Variants in DCAF5 observed in about 807,000 individuals in gnomAD.
DCAF5 encodes the protein DDB1 and CUL4 associated factor 5.
Under a neutral mutation model 80.7 loss-of-function variants are expected in DCAF5, and 9 were observed. That is an observed-to-expected ratio of 0.11 (90% CI 0.07 to 0.19). The LOEUF (loss-of-function observed/expected upper bound fraction) is 0.19. DCAF5 is among the 10% of genes least tolerant of loss of function. DCAF5 has a pLI of 1.00. For missense variants in DCAF5, 842 were observed against 1,205.7 expected (o/e 0.70, Z 4.47); for synonymous variants, 433 against 461.9 (o/e 0.94, Z 0.80).
At chr14:69,110,740 T>C (rs1299493220) in intron 5 of DCAF5, among the ~76,000 whole-genome samples, 2 of 151,832 alleles carry the variant, frequency 1.3e-5, no homozygotes, top group Admixed American at 6.6e-5. Context: ...TAGCCAGGCA[T>C]GATAGCATGA....
chr14:69,130,370 T>C (rs1255050414), intron 1 of DCAF5, among the ~76,000 whole-genome samples: 1 of 152,106 alleles, frequency 6.6e-6, no homozygotes, highest in Non-Finnish European at 1.5e-5. Context: ...TCCACTTACA[T>C]GAGGAATAGT....
chr14:69,052,760 CAA>C lies in DCAF5; in HGVS notation c.*1095_*1096del, dbSNP rs2037803369. 1 of 152,240 alleles carries C rather than the reference CAA, an allele frequency of 6.6e-6. No individual in the cohort carries two copies. The allele number at this position is 152,240 out of a possible 1,614,324, so 9.4% of individuals were successfully genotyped here. On this transcript the variant is annotated 3_prime_UTR_variant, in exon 9 of 9. Coordinates refer to ENST00000341516, the MANE Select transcript of DCAF5 (RefSeq NM_003861.3). ...TTACCTTGAGATGCCTACTGCTCTG[CAA>C]AGTCTAGTGAGAACACCACAGCCTC... is the stretch of plus-strand genomic sequence containing the variant.
chr14:69,075,409 A>G lies in DCAF5; in HGVS notation c.882T>C (p.Tyr294=), dbSNP rs753167758. ...SCCFAGDRDQ[Y]ILSGSDDFNL... ...TGAAGTCATCAGAGCCCGAAAGGATATACTGTTGGAACAAAAAATATATAG... is the reference window on the plus strand; with the variant it reads ...TGAAGTCATCAGAGCCCGAAAGGATGTACTGTTGGAACAAAAAATATATAG... Residue 294 remains tyrosine, a splice_region_variant and synonymous_variant, in exon 7 of 9, where the codon TAT becomes TAC. Coordinates refer to ENST00000341516, the MANE Select transcript of DCAF5 (RefSeq NM_003861.3). The G allele has an allele frequency of 2.5e-6, 4 of 1,587,728 alleles. No homozygotes were observed. The highest frequency in any genetic ancestry group is 8.6e-7 in the Non-Finnish European group (1 of 1,163,064).
At chr14:69,066,171 G>A (rs1285730130) in intron 7 of DCAF5, among the ~76,000 whole-genome samples, 2 of 147,486 alleles carry the variant, frequency 1.4e-5, no homozygotes, top group Admixed American at 6.8e-5. Context: ...GTCTTGCTCT[G>A]TTGCCCAGGC....
chr14:69,135,509 T>C (rs2041164929), intron 1 of DCAF5, among the ~76,000 whole-genome samples: 1 of 152,212 alleles, frequency 6.6e-6, no homozygotes, highest in Non-Finnish European at 1.5e-5. Context: ...GTTTGCATTG[T>C]GAGCTGAACT....
chr14:69,100,493 G>T (rs1245767559), intron 5 of DCAF5, among the ~76,000 whole-genome samples: 1 of 152,140 alleles, frequency 6.6e-6, no homozygotes, highest in Non-Finnish European at 1.5e-5. Flanking sequence ...CAATCTTAGT[G>T]TCCCTTACCA....
chr14:69,101,655 T>C (rs1227377002), intron 5 of DCAF5, among the ~76,000 whole-genome samples: 1 of 152,236 alleles, frequency 6.6e-6, no homozygotes, highest in Non-Finnish European at 1.5e-5. Context: ...AAATGTGTTG[T>C]TAGGCAATTT....
In DCAF5 at chr14:69,152,091, C is replaced by T. The variant is rs2041725019; in HGVS notation, c.214+674G>A. Among the ~76,000 whole-genome samples the T allele has an allele frequency of 6.6e-6, 1 of 152,212 alleles. No individual in the cohort carries two copies. The highest frequency in any genetic ancestry group is 2.1e-4 in the South Asian group (1 of 4,836). ...TCAGGCTGGTGCCCTTTAGCCTCCACAGCCCTCGCCACTCTCGAAACTGTA... is the reference window on the plus strand; with the variant it reads ...TCAGGCTGGTGCCCTTTAGCCTCCATAGCCCTCGCCACTCTCGAAACTGTA... On this transcript the variant is annotated intron_variant, in intron 1 of 8. Coordinates refer to ENST00000341516, the MANE Select transcript of DCAF5 (RefSeq NM_003861.3). The surrounding 1 kb of genome is among the most constrained non-coding windows in gnomAD (Gnocchi z 4.1).
At chr14:69,098,911 A>G (rs12891532) in intron 5 of DCAF5, among the ~76,000 whole-genome samples, 32,188 of 115,892 alleles carry the variant, frequency 0.28, 5,405 homozygotes, top group East Asian at 0.85. Flanking sequence ...AAAAAAAAAA[A>G]AAAAGAAAAG....
intron 8 of DCAF5, among the ~76,000 whole-genome samples, chr14:69,059,390 G>A (rs949910489): frequency 6.6e-6 from 1 of 152,222 alleles, no homozygotes; most frequent in Admixed American, 6.5e-5. Context: ...GTCTCAGGCT[G>A]GACCAGAATG....
intron 1 of DCAF5, among the ~76,000 whole-genome samples, chr14:69,151,372 C>G (rs1433144829): frequency 2.0e-5 from 3 of 152,158 alleles, no homozygotes; most frequent in African/African-American, 7.2e-5. Flanking sequence ...CTGTACGCCC[C>G]ATGTCACTTC....
intron 6 of DCAF5, chr14:69,090,210 T>C (rs1366637968): frequency 1.6e-6 from 1 of 643,596 alleles, no homozygotes. Context: ...GACTTGATTG[T>C]CATTTCCACA....
intron 1 of DCAF5, among the ~76,000 whole-genome samples, chr14:69,131,869 A>G (rs907074698): frequency 2.8e-4 from 42 of 151,998 alleles, no homozygotes; most frequent in African/African-American, 9.6e-4. Context: ...TTTTATCTCC[A>G]GAACTACCCC....
rs143473281 is a variant in DCAF5, at chr14:69,118,791, C to T, written c.395+403G>A. 5.1e-4 allele frequency among the ~76,000 whole-genome samples: 77 copies of T among 152,204 alleles called. No individual in the cohort carries two copies. The highest frequency in any genetic ancestry group is 1.8e-3 in the African/African-American group (75 of 41,542). On this transcript the variant is annotated intron_variant, in intron 3 of 8. Transcript: ENST00000341516. The surrounding 1 kb of genome is among the most constrained non-coding windows in gnomAD (Gnocchi z 4.0). Reference sequence around the variant, plus strand: ...TGTGACTCCGTTTCCTGATCTAGAACGGAGATGACAATAGTATCTCCTCAG... The same window carrying T: ...TGTGACTCCGTTTCCTGATCTAGAATGGAGATGACAATAGTATCTCCTCAG...
chr14:69,105,281 C>T (rs912134267), intron 5 of DCAF5, among the ~76,000 whole-genome samples: 15 of 151,944 alleles, frequency 9.9e-5, no homozygotes, highest in Non-Finnish European at 1.9e-4. Context: ...TGTGTATATC[C>T]ATATATGTAT....
At chr14:69,140,888 G>C (rs900922715) in intron 1 of DCAF5, among the ~76,000 whole-genome samples, 2 of 151,944 alleles carry the variant, frequency 1.3e-5, no homozygotes, top group African/African-American at 4.8e-5. Flanking sequence ...AGGCTGAGGC[G>C]GGCAGATCAC....
At chr14:69,100,326 G>GT (rs1247883104) in intron 5 of DCAF5, among the ~76,000 whole-genome samples, 1 of 152,180 alleles carries the variant, frequency 6.6e-6, no homozygotes, top group Non-Finnish European at 1.5e-5. Context: ...TTTGAGAAAA[G>GT]TATGAGAATA....
At chr14:69,131,482 A>T (rs2082424219) in intron 1 of DCAF5, among the ~76,000 whole-genome samples, 1 of 152,240 alleles carries the variant, frequency 6.6e-6, no homozygotes, top group Non-Finnish European at 1.5e-5. Flanking sequence ...CTGTTTTGTT[A>T]TTTTTCCAAA....
chr14:69,153,055 G>A lies in DCAF5; in HGVS notation c.-77C>T. 3 of 1,102,228 alleles carry A rather than the reference G, an allele frequency of 2.7e-6. No homozygotes were observed. The highest frequency in any genetic ancestry group is 2.0e-5 in the African/African-American group (1 of 50,532). 68.3% of individuals were successfully genotyped at this position (1,102,228 alleles called of 1,614,324 possible). On this transcript the variant is annotated 5_prime_UTR_variant, in exon 1 of 9. Transcript: ENST00000341516. ...CGCGCGGCCGCTGCTCCCCCCACCC[G>A]GCCCTCCCCCCGCGCTGCGATCCGG... is the stretch of plus-strand genomic sequence containing the variant.
Sources: gnomAD v4.1 joint callset for allele counts (sites outside exome capture counted in the v4.1 genomes callset) on GRCh38, gnomAD v4.1.1 for gene constraint, Gnocchi (gnomAD v3.1) non-coding constraint, MANE v1.5 for transcripts, NCBI Gene and HGNC (gene_info 2026-07-23, HGNC 2026-07-21) for gene names.